The following CAMSAP1 variants were observed in gnomAD, a reference collection of about 807,000 sequenced individuals.
CAMSAP1 encodes calmodulin-regulated spectrin-associated protein 1.
A neutral mutation model predicts 143.5 loss-of-function variants in CAMSAP1; 58 were observed. The observed-to-expected ratio is 0.40, with a 90% confidence interval of 0.33 to 0.50. The LOEUF is 0.50. Ranked by LOEUF, CAMSAP1 falls within the 20% of genes least tolerant of loss-of-function variation. The probability of loss-of-function intolerance (pLI) is 0.45; values close to 1 mark genes in which losing one functional copy is unlikely to be tolerated. For missense variants in CAMSAP1, 1,969 were observed against 2,115.7 expected, an observed-to-expected ratio of 0.93 and a Z score of 1.36; for synonymous variants, 945 against 859.3, an observed-to-expected ratio of 1.10 and a Z score of -1.74.
intron 3 of CAMSAP1, among the ~76,000 whole-genome samples, chr9:135,876,867 G>A (rs1313426875): frequency 1.3e-5 from 2 of 152,104 alleles, no homozygotes; most frequent in African/African-American, 2.4e-5. Flanking sequence ...AAATTAGCCA[G>A]GTGTGGTGGC....
At chr9:135,839,868 T>C (rs1836274710) in intron 7 of CAMSAP1, among the ~76,000 whole-genome samples, 1 of 150,828 alleles carries the variant, frequency 6.6e-6, no homozygotes, top group African/African-American at 2.4e-5. Flanking sequence ...GGGGAAAGCC[T>C]GGGCACAGTT....
intron 14 of CAMSAP1, chr9:135,817,742 G>GTC: frequency 6.0e-6 from 3 of 497,580 alleles, no homozygotes; most frequent in South Asian, 2.2e-5. Flanking sequence ...TGCACGTGTG[G>GTC]GGTGGGGGAC....
At chr9:135,906,261 G>T (rs539949849) in intron 1 of CAMSAP1, among the ~76,000 whole-genome samples, 1 of 152,200 alleles carries the variant, frequency 6.6e-6, no homozygotes, top group Admixed American at 6.5e-5. Flanking sequence ...AATATTTTAA[G>T]AATGCTTCAA....
rs1190689106 is a variant in CAMSAP1, at chr9:135,827,474, G to A, written c.1156C>T (p.Pro386Ser). The stretch of plus-strand genomic sequence containing the variant: ...CCTTCCGCCGGCAGCTGCACGGGGG[G>A]CTGCAGCTCAGCCAGGGTCCCTGCA... ...PAAGTLAELQ[P>S]PVQLPAEGCH... Residue 386 changes from proline (P) to serine (S), a missense_variant, in exon 8 of 17, where the codon CCC becomes TCC. This residue lies in a region of CAMSAP1 where 1,390 missense variants were observed against 1,420.8 expected (regional missense o/e 0.98). Transcript: ENST00000389532. 2 of 1,610,256 alleles carry A rather than the reference G, an allele frequency of 1.2e-6. No individual in the cohort carries two copies. The highest frequency in any genetic ancestry group is 2.2e-5 in the East Asian group (1 of 44,794).
At position 135,822,688 on chromosome 9, in the gene CAMSAP1, A is replaced by C. The variant is rs745729542; in HGVS notation, c.1973T>G (p.Phe658Cys). The change falls in exon 11 of 17, where the codon TTC (phenylalanine) becomes TGC (cysteine). Residue 658 changes from phenylalanine to cysteine, a missense_variant. Coordinates refer to ENST00000389532, the MANE Select transcript of CAMSAP1 (RefSeq NM_015447.4). The surrounding 1 kb of genome is among the most constrained non-coding windows in gnomAD (Gnocchi z 6.1). The stretch of plus-strand genomic sequence containing the variant: ...CTCGGTGGGGTCGATGCCCATGGGG[A>C]ATTCTGAGCATGGAATCGGGGTAAA... ...RTFTPIPCSE[F>C]PMGIDPTETG... is the part of the protein sequence containing the mutation. The C allele has an allele frequency of 1.9e-6, 3 of 1,609,722 alleles. No individual in the cohort carries two copies. The African/African-American group carries it at 4.0e-5, about 22-fold the overall frequency.
At position 135,906,970 on chromosome 9, in the gene CAMSAP1, C is replaced by G. The variant is rs1483948738; in HGVS notation, c.160+30G>C. On this transcript the variant is annotated intron_variant, in intron 1 of 16. Transcript: ENST00000389532. ...CCCCGGCCCCGGCCCGCGCCCCTGG[C>G]CCCCGCCCCGCGCCCCTCACCCGGC... is the stretch of plus-strand genomic sequence containing the variant. The G allele has an allele frequency of 3.9e-6, 4 of 1,014,536 alleles. No homozygotes were observed. In the African/African-American group the frequency reaches 7.0e-5, roughly 18 times the overall value. The allele number at this position is 1,014,536 out of a possible 1,614,324, so 62.8% of individuals were successfully genotyped here.
intron 7 of CAMSAP1, among the ~76,000 whole-genome samples, chr9:135,841,276 G>GAGCT (rs1196805310): frequency 6.6e-6 from 1 of 152,210 alleles, no homozygotes; most frequent in Non-Finnish European, 1.5e-5. Flanking sequence ...GGGCAAAGCC[G>GAGCT]CTGTAGCCAG....
intron 5 of CAMSAP1, among the ~76,000 whole-genome samples, chr9:135,852,281 A>T (rs541712128): frequency 1.3e-5 from 2 of 152,126 alleles, no homozygotes; most frequent in South Asian, 4.1e-4. Flanking sequence ...AATATTTTCA[A>T]TGGGTACAGT....
At chr9:135,815,635 C>T (rs1835203959) in intron 15 of CAMSAP1, among the ~76,000 whole-genome samples, 1 of 152,220 alleles carries the variant, frequency 6.6e-6, no homozygotes, top group Admixed American at 6.5e-5. Context: ...GGCTCTGCTG[C>T]CCCCAGGTCC....
intron 7 of CAMSAP1, among the ~76,000 whole-genome samples, chr9:135,831,210 G>A (rs1381498574): frequency 2.6e-5 from 4 of 152,158 alleles, no homozygotes; most frequent in East Asian, 1.9e-4. Flanking sequence ...TGACAAATAC[G>A]TGGAAACTAA....
intron 14 of CAMSAP1, among the ~76,000 whole-genome samples, chr9:135,817,537 G>A (rs1044950484): frequency 6.6e-6 from 1 of 151,926 alleles, no homozygotes; most frequent in African/African-American, 2.4e-5. Context: ...GACTATAGGT[G>A]CATGCCCCCA....
At chr9:135,851,858 G>A (rs963673746) in intron 5 of CAMSAP1, among the ~76,000 whole-genome samples, 4 of 152,188 alleles carry the variant, frequency 2.6e-5, no homozygotes, top group African/African-American at 9.7e-5. Flanking sequence ...CTGTCTATGC[G>A]TGTACAGACG....
intron 1 of CAMSAP1, among the ~76,000 whole-genome samples, chr9:135,894,361 G>C (rs1287904231): frequency 6.6e-6 from 1 of 152,214 alleles, no homozygotes; most frequent in African/African-American, 2.4e-5. Flanking sequence ...TCCGAGGGGA[G>C]GGGCGGACAC....
At chr9:135,869,363 T>C (rs1416024794) in intron 3 of CAMSAP1, among the ~76,000 whole-genome samples, 1 of 151,246 alleles carries the variant, frequency 6.6e-6, no homozygotes, top group Non-Finnish European at 1.5e-5. Flanking sequence ...ATTAGTCAGG[T>C]GTGGTGGCTC....
At chr9:135,856,561 A>G (rs1170717040) in intron 5 of CAMSAP1, among the ~76,000 whole-genome samples, 1 of 152,098 alleles carries the variant, frequency 6.6e-6, no homozygotes, top group African/African-American at 2.4e-5. Context: ...CCCCTACCCT[A>G]TGACTAAGAG....
At chr9:135,898,165 G>T (rs1039840028) in intron 1 of CAMSAP1, among the ~76,000 whole-genome samples, 12 of 152,154 alleles carry the variant, frequency 7.9e-5, no homozygotes, top group African/African-American at 2.9e-4. Flanking sequence ...AGACAGGTGT[G>T]GCTAGAAAAG....
chr9:135,813,076 A>C (rs1268271565), intron 16 of CAMSAP1, among the ~76,000 whole-genome samples: 3 of 152,280 alleles, frequency 2.0e-5, no homozygotes, highest in Non-Finnish European at 4.4e-5. Context: ...TTTAAAAACA[A>C]ACCCTCCACA....
At position 135,850,579 on chromosome 9, in the gene CAMSAP1, G is replaced by A. The variant is rs1836739909; in HGVS notation, c.809-118C>T. ...AGGTAGTAATGAAGATAATGACATT[G>A]AGAGATGTAGGGAGTATAGGATGTA... On this transcript the variant is annotated intron_variant, in intron 5 of 16. Transcript: ENST00000389532. The A allele has an allele frequency of 3.2e-5, 25 of 783,534 alleles. No homozygotes were observed. The South Asian group carries it at 4.7e-4, about 15-fold the overall frequency. The allele number at this position is 783,534 out of a possible 1,614,324, so 48.5% of individuals were successfully genotyped here.
chr9:135,835,404 TGA>T (rs1456648427), intron 7 of CAMSAP1, among the ~76,000 whole-genome samples: 1 of 152,026 alleles, frequency 6.6e-6, no homozygotes, highest in Non-Finnish European at 1.5e-5. Flanking sequence ...AGTTCCAAAG[TGA>T]GAGGCTTCAC....
Sources: allele counts gnomAD v4.1 joint callset (sites outside exome capture counted in the v4.1 genomes callset), GRCh38; gene constraint gnomAD v4.1.1; regional missense constraint gnomAD v4.1.1; non-coding constraint Gnocchi (gnomAD v3.1); transcripts MANE v1.5; gene names NCBI Gene and HGNC (gene_info 2026-07-23, HGNC 2026-07-21).